Variants in NPSR1 observed in about 807,000 individuals in gnomAD.
The protein encoded by NPSR1 is neuropeptide S receptor 1, also known as neuropeptide S receptor.
Under a neutral mutation model 46.9 loss-of-function variants are expected in NPSR1, and 48 were observed. That is an observed-to-expected ratio of 1.02 (90% CI 0.81 to 1.30). NPSR1 has a LOEUF of 1.30. Ranked by LOEUF, NPSR1 falls within the 50% of genes most tolerant of loss-of-function variation. NPSR1 has a pLI of 0.00. For missense variants in NPSR1, 450 were observed against 449.5 expected (o/e 1.00, Z -0.01); for synonymous variants, 176 against 168.1 (o/e 1.05, Z -0.36).
At position 34,748,056 on chromosome 7, in the gene NPSR1, C is replaced by G. The variant is rs139659768; in HGVS notation, c.281-30406C>G. Among the ~76,000 whole-genome samples the G allele has an allele frequency of 6.6e-5, 10 of 152,262 alleles. No homozygotes were observed. The East Asian group carries it at 1.7e-3, about 27-fold the overall frequency. On this transcript the variant is annotated intron_variant, in intron 2 of 8. Transcript: ENST00000360581. ...TGCACAGAGCTGGAGCTCTTGCCAGCTCACAGCAAAAGGGCCTCTAATTCA... is the reference window on the plus strand; with the variant it reads ...TGCACAGAGCTGGAGCTCTTGCCAGGTCACAGCAAAAGGGCCTCTAATTCA...
intron 2 of NPSR1, among the ~76,000 whole-genome samples, chr7:34,723,020 T>C (rs1403844634): frequency 5.3e-5 from 8 of 152,220 alleles, no homozygotes; most frequent in Admixed American, 5.2e-4. Context: ...AGTCACCAAA[T>C]TCGAATAAAC....
At chr7:34,685,309 C>G (rs1792871467) in intron 2 of NPSR1, among the ~76,000 whole-genome samples, 1 of 151,922 alleles carries the variant, frequency 6.6e-6, no homozygotes, top group Non-Finnish European at 1.5e-5. Flanking sequence ...AGTTAGGGCC[C>G]CAAAGACATG....
intron 2 of NPSR1, among the ~76,000 whole-genome samples, chr7:34,697,663 T>C (rs1793600153): frequency 6.6e-6 from 1 of 151,982 alleles, no homozygotes; most frequent in African/African-American, 2.4e-5. Flanking sequence ...ATTTGTATCA[T>C]TTTATTATTG....
intron 1 of NPSR1, among the ~76,000 whole-genome samples, chr7:34,660,797 C>T (rs929875385): frequency 3.9e-5 from 6 of 152,122 alleles, no homozygotes; most frequent in Admixed American, 3.3e-4. Context: ...CTCAATTTTA[C>T]CCAGTCTATA....
At chr7:34,691,316 C>A (rs1027285223) in intron 2 of NPSR1, among the ~76,000 whole-genome samples, 1 of 152,118 alleles carries the variant, frequency 6.6e-6, no homozygotes, top group Non-Finnish European at 1.5e-5. Context: ...ACCAACAACA[C>A]AATTGAAACT....
chr7:34,817,550 C>G lies in NPSR1; in HGVS notation c.478+5687C>G, dbSNP rs576373325. Among the ~76,000 whole-genome samples, 13 of 104,756 alleles carry G rather than the reference C, an allele frequency of 1.2e-4. No individual in the cohort carries two copies. In the East Asian group the frequency reaches 3.3e-3, roughly 26 times the overall value. 68.7% of individuals were successfully genotyped at this position (104,756 alleles called of 152,430 possible). On this transcript the variant is annotated intron_variant, in intron 4 of 8. Transcript: ENST00000360581. ...CCAATCAATAGAAAAAGAGGGAATC[C>G]TCCCTAACTCATTTTATAAGGCCAG...
intron 1 of NPSR1, among the ~76,000 whole-genome samples, chr7:34,671,306 T>C (rs1792044155): frequency 6.6e-6 from 1 of 152,232 alleles, no homozygotes; most frequent in South Asian, 2.1e-4. Context: ...GTTTTTATTT[T>C]ATCTTTGTGT....
rs1203512481 is a variant in NPSR1, at chr7:34,663,069, G to GTGTGTGTGTGTGTGTGTGTGTGTGTT, written c.147+4523_147+4524insGTGTGTGTGTGTTTGTGTGTGTGTGT. Among the ~76,000 whole-genome samples the GTGTGTGTGTGTGTGTGTGTGTGTGTT allele has an allele frequency of 2.7e-4, 19 of 71,066 alleles. 1 individual carries two copies. The highest frequency in any genetic ancestry group is 9.1e-4 in the African/African-American group (17 of 18,626). The allele number at this position is 71,066 out of a possible 152,430, so 46.6% of individuals were successfully genotyped here. On this transcript the variant is annotated intron_variant, in intron 1 of 8. Coordinates refer to ENST00000360581, the MANE Select transcript of NPSR1 (RefSeq NM_207172.2). The stretch of plus-strand genomic sequence containing the variant: ...TCTCTCTCTCTCTCTCTCTCTCTCT[G>GTGTGTGTGTGTGTGTGTGTGTGTGTT]TGTGTGTGTGTGTATGTGTGTGTGG...
At chr7:34,752,091 G>A in intron 2 of NPSR1, 1 of 572,166 alleles carries the variant, frequency 1.7e-6, no homozygotes, top group South Asian at 1.9e-5. Flanking sequence ...GAGAAGGCCT[G>A]GAAATTATTG....
intron 4 of NPSR1, among the ~76,000 whole-genome samples, chr7:34,818,535 C>A (rs1789372214): frequency 6.6e-6 from 1 of 152,154 alleles, no homozygotes; most frequent in Non-Finnish European, 1.5e-5. Context: ...ATCAAGCTAC[C>A]AATGACTTTC....
At chr7:34,803,987 G>A (rs1788562090) in intron 3 of NPSR1, among the ~76,000 whole-genome samples, 1 of 151,766 alleles carries the variant, frequency 6.6e-6, no homozygotes, top group Non-Finnish European at 1.5e-5. Flanking sequence ...ACCTACTAAA[G>A]AAACTGAATT....
At chr7:34,785,525 G>A (rs1029566727) in intron 3 of NPSR1, among the ~76,000 whole-genome samples, 10 of 95,318 alleles carry the variant, frequency 1.0e-4, no homozygotes, top group African/African-American at 3.1e-4. Flanking sequence ...AAAACTTAAA[G>A]TATAATAAAA....
intron 2 of NPSR1, among the ~76,000 whole-genome samples, chr7:34,701,525 T>C (rs1010346900): frequency 6.6e-6 from 1 of 152,184 alleles, no homozygotes; most frequent in Non-Finnish European, 1.5e-5. Flanking sequence ...TTCATTATTT[T>C]CCTGTGGCAC....
chr7:34,832,061 C>G lies in NPSR1; in HGVS notation c.681-2323C>G, dbSNP rs141378526. On this transcript the variant is annotated intron_variant, in intron 5 of 8. Coordinates refer to ENST00000360581, the MANE Select transcript of NPSR1 (RefSeq NM_207172.2). ...TGGCCATGGGCATAAGGTCCAAGGT[C>G]AAAGAGGATCACAGGGCCCACAATA... 1.2e-4 allele frequency among the ~76,000 whole-genome samples: 18 copies of G among 152,174 alleles called. No individual in the cohort carries two copies. In the East Asian group the frequency reaches 3.5e-3, roughly 30 times the overall value.
intron 2 of NPSR1, among the ~76,000 whole-genome samples, chr7:34,738,775 A>G (rs749993858): frequency 1.3e-5 from 2 of 152,160 alleles, no homozygotes; most frequent in Non-Finnish European, 2.9e-5. Context: ...CATTCATCAA[A>G]TTAACCAAGT....
At chr7:34,700,558 G>A (rs1212442906) in intron 2 of NPSR1, among the ~76,000 whole-genome samples, 1 of 152,160 alleles carries the variant, frequency 6.6e-6, no homozygotes, top group Non-Finnish European at 1.5e-5. Flanking sequence ...CAAATCCAAA[G>A]ATCAGGGAGA....
chr7:34,757,584 T>TC (rs1308169545), intron 2 of NPSR1, among the ~76,000 whole-genome samples: 1 of 152,102 alleles, frequency 6.6e-6, no homozygotes, highest in Non-Finnish European at 1.5e-5. Context: ...AAGGAATAAA[T>TC]CCAGAATATT....
At chr7:34,731,171 T>C (rs879832041) in intron 2 of NPSR1, among the ~76,000 whole-genome samples, 3 of 152,110 alleles carry the variant, frequency 2.0e-5, no homozygotes, top group Non-Finnish European at 4.4e-5. Flanking sequence ...GTTTAGAATA[T>C]AAATAATATT....
intron 2 of NPSR1, among the ~76,000 whole-genome samples, chr7:34,730,083 T>C (rs1784351812): frequency 6.6e-6 from 1 of 152,210 alleles, no homozygotes; most frequent in Admixed American, 6.5e-5. Flanking sequence ...CATGAATAAA[T>C]TTTAAAAGAA....
Sources: allele counts gnomAD v4.1 joint callset (sites outside exome capture counted in the v4.1 genomes callset), GRCh38; gene constraint gnomAD v4.1.1; transcripts MANE v1.5; gene names NCBI Gene and HGNC (gene_info 2026-07-23, HGNC 2026-07-21).